The following PLCB1 variants were observed in gnomAD, a reference collection of about 807,000 sequenced individuals.
PLCB1 encodes the protein phospholipase C beta 1, also known as 1-phosphatidylinositol 4,5-bisphosphate phosphodiesterase beta-1.
PLCB1 carries 46 observed loss-of-function variants against 161.8 expected under a neutral mutation model. That is an observed-to-expected ratio of 0.28 (90% CI 0.22 to 0.36). The LOEUF (loss-of-function observed/expected upper bound fraction) is 0.36, where lower values mean the gene tolerates loss of function less well. Among genes scored for constraint, PLCB1 ranks in the 10% least tolerant of loss-of-function variants. The pLI, the probability that PLCB1 is intolerant of heterozygous loss-of-function variation, is 1.00. For missense variants in PLCB1, 1,016 were observed against 1,472.5 expected, an observed-to-expected ratio of 0.69 and a Z score of 5.07; for synonymous variants, 517 against 503.7, an observed-to-expected ratio of 1.03 and a Z score of -0.35.
rs190704212 is a variant in PLCB1, at chr20:8,263,202, G to A, written c.178-108180G>A. 2.0e-4 allele frequency among the ~76,000 whole-genome samples: 30 copies of A among 152,276 alleles called. 1 individual carries two copies. The highest frequency in any genetic ancestry group is 6.8e-3 in the Middle Eastern group (2 of 292). The stretch of plus-strand genomic sequence containing the variant: ...CCAAAAAAAAATTGTGTCTGGCACA[G>A]AGTAAGTGTTCAGTAACTGGTAACT... On this transcript the variant is annotated intron_variant, in intron 2 of 31. Transcript: ENST00000338037.
intron 2 of PLCB1, among the ~76,000 whole-genome samples, chr20:8,291,675 G>T (rs1245844862): frequency 6.6e-6 from 1 of 152,100 alleles, no homozygotes; most frequent in Non-Finnish European, 1.5e-5. Context: ...ATTAACAAAG[G>T]GTGTGCTCAC....
At chr20:8,377,335 A>G (rs1336747704) in intron 3 of PLCB1, among the ~76,000 whole-genome samples, 1 of 152,202 alleles carries the variant, frequency 6.6e-6, no homozygotes, top group Non-Finnish European at 1.5e-5. Flanking sequence ...TTTCAGGAAT[A>G]GAGGAAGGCC....
chr20:8,280,249 T>C (rs1168157985), intron 2 of PLCB1, among the ~76,000 whole-genome samples: 1 of 151,694 alleles, frequency 6.6e-6, no homozygotes, highest in Non-Finnish European at 1.5e-5. Context: ...GGCAGGAGGA[T>C]TGCTTGAACC....
intron 3 of PLCB1, among the ~76,000 whole-genome samples, chr20:8,600,084 CCTT>C (rs1395915670): frequency 8.2e-6 from 1 of 121,612 alleles, no homozygotes; most frequent in Non-Finnish European, 1.7e-5. Flanking sequence ...TCGTCTGAAG[CCTT>C]CTTCTCTCAG....
chr20:8,836,060 A>G (rs1450589621), intron 31 of PLCB1, among the ~76,000 whole-genome samples: 1 of 151,880 alleles, frequency 6.6e-6, no homozygotes, highest in African/African-American at 2.4e-5. Flanking sequence ...ACTGGCTGGC[A>G]GTTGGGACAG....
At chr20:8,426,918 C>G (rs534788817) in intron 3 of PLCB1, among the ~76,000 whole-genome samples, 1 of 152,002 alleles carries the variant, frequency 6.6e-6, no homozygotes, top group South Asian at 2.1e-4. Flanking sequence ...AGAAGATTAC[C>G]ATTATTATTA....
intron 2 of PLCB1, among the ~76,000 whole-genome samples, chr20:8,307,697 G>C (rs1031803891): frequency 6.6e-6 from 1 of 152,086 alleles, no homozygotes; most frequent in Non-Finnish European, 1.5e-5. Context: ...GAGGTGGGTG[G>C]ATCACCTGAG....
intron 23 of PLCB1, among the ~76,000 whole-genome samples, chr20:8,744,735 C>T (rs1336477673): frequency 6.6e-6 from 1 of 151,896 alleles, no homozygotes; most frequent in African/African-American, 2.4e-5. Context: ...CTAAAGGTCT[C>T]ATAATGGAAC....
intron 2 of PLCB1, among the ~76,000 whole-genome samples, chr20:8,199,632 G>A (rs531649843): frequency 1.3e-5 from 2 of 152,042 alleles, no homozygotes; most frequent in East Asian, 1.9e-4. Flanking sequence ...GATTCTTAAT[G>A]ATTTTATATA....
chr20:8,258,433 C>T (rs1981531882), intron 2 of PLCB1, among the ~76,000 whole-genome samples: 1 of 152,136 alleles, frequency 6.6e-6, no homozygotes. Context: ...GATTTGGTCT[C>T]ATTCGTGGGT....
chr20:8,465,701 C>A (rs1450677719), intron 3 of PLCB1, among the ~76,000 whole-genome samples: 1 of 151,952 alleles, frequency 6.6e-6, no homozygotes, highest in South Asian at 2.1e-4. Flanking sequence ...GACATTTATG[C>A]AGCCAAAAAA....
chr20:8,792,676 A>G (rs1983820869), intron 31 of PLCB1: 1 of 470,176 alleles, frequency 2.1e-6, no homozygotes, highest in East Asian at 6.9e-5. Flanking sequence ...GCCCATGAAG[A>G]TTGTTGGTTC....
At chr20:8,704,031 A>G (rs567817385) in intron 11 of PLCB1, among the ~76,000 whole-genome samples, 11 of 152,196 alleles carry the variant, frequency 7.2e-5, no homozygotes, top group Non-Finnish European at 1.5e-4. Flanking sequence ...GTTCTCAAAC[A>G]GACAATGAAG....
At chr20:8,160,004 A>AG (rs1175208155) in intron 2 of PLCB1, among the ~76,000 whole-genome samples, 104 of 151,400 alleles carry the variant, frequency 6.9e-4, no homozygotes, top group Non-Finnish European at 1.2e-3. Flanking sequence ...AAAAAAAAAA[A>AG]AAAAGAAAAA....
At chr20:8,704,388 CTAATTACACTTT>C (rs1978547038) in intron 11 of PLCB1, among the ~76,000 whole-genome samples, 2 of 151,888 alleles carry the variant, frequency 1.3e-5, no homozygotes, top group Non-Finnish European at 2.9e-5. Context: ...TTAGCAAAGA[CTAATTACACTTT>C]TATTTACATG....
chr20:8,238,170 T>G (rs1568601270), intron 2 of PLCB1, among the ~76,000 whole-genome samples: 1 of 151,998 alleles, frequency 6.6e-6, no homozygotes, highest in African/African-American at 2.4e-5. Context: ...AGAAGTGGCT[T>G]GGAGGGTGTT....
At chr20:8,759,238 G>A (rs530660404) in intron 24 of PLCB1, among the ~76,000 whole-genome samples, 173 of 152,212 alleles carry the variant, frequency 1.1e-3, no homozygotes, top group South Asian at 6.2e-3. Flanking sequence ...AGTGATACTC[G>A]CCTTTCTCAG....
intron 11 of PLCB1, among the ~76,000 whole-genome samples, chr20:8,704,910 A>G (rs1456065881): frequency 1.3e-5 from 2 of 151,496 alleles, no homozygotes; most frequent in African/African-American, 4.9e-5. Context: ...GTCCAAGTCC[A>G]AGTCTCAAGG....
At chr20:8,643,214 C>T (rs1989011228) in intron 4 of PLCB1, among the ~76,000 whole-genome samples, 1 of 152,164 alleles carries the variant, frequency 6.6e-6, no homozygotes, top group Non-Finnish European at 1.5e-5. Flanking sequence ...GATTCTCAGC[C>T]TCAAATCCAT....
Sources: allele counts gnomAD v4.1 joint callset (sites outside exome capture counted in the v4.1 genomes callset), GRCh38; gene constraint gnomAD v4.1.1; transcripts MANE v1.5; gene names NCBI Gene and HGNC (gene_info 2026-07-23, HGNC 2026-07-21).